ST8SIA6: variants seen among roughly 807,000 people sequenced by gnomAD.
The protein encoded by ST8SIA6 is ST8 alpha-N-acetyl-neuraminide alpha-2,8-sialyltransferase 6.
In ST8SIA6, 39 loss-of-function variants were observed where a neutral mutation model predicts 33.6. The ratio of observed to expected loss-of-function variants is 1.16; its 90% CI spans 0.90 to 1.52. The LOEUF (loss-of-function observed/expected upper bound fraction) is 1.52, where lower values mean the gene tolerates loss of function less well. Among genes scored for constraint, ST8SIA6 ranks in the 40% most tolerant of loss-of-function variants. The pLI, the probability that ST8SIA6 is intolerant of heterozygous loss-of-function variation, is 0.00. For missense variants in ST8SIA6, 441 were observed against 443.8 expected (o/e 0.99, Z 0.06); for synonymous variants, 172 against 167.2 (o/e 1.03, Z -0.22).
intron 2 of ST8SIA6, among the ~76,000 whole-genome samples, chr10:17,436,988 C>T (rs373357405): frequency 2.4e-4 from 36 of 152,258 alleles, no homozygotes; most frequent in Admixed American, 1.6e-3. Flanking sequence ...GTCTCGGGTA[C>T]GTCTTTATCA....
chr10:17,425,987 C>T (rs1255566863), intron 2 of ST8SIA6, among the ~76,000 whole-genome samples: 1 of 152,186 alleles, frequency 6.6e-6, no homozygotes, highest in Admixed American at 6.5e-5. Context: ...TCCTCCTTAT[C>T]ACAGGAACCA....
At chr10:17,425,402 C>G (rs1166018009) in intron 2 of ST8SIA6, among the ~76,000 whole-genome samples, 1 of 151,998 alleles carries the variant, frequency 6.6e-6, no homozygotes, top group African/African-American at 2.4e-5. Context: ...AACCCCGTCT[C>G]TACTTAGAAT....
chr10:17,359,699 T>A (rs1409326350), intron 3 of ST8SIA6, 99 bp from the exon 4 acceptor site: 3 of 612,248 alleles, frequency 4.9e-6, no homozygotes, highest in African/African-American at 1.9e-5. Flanking sequence ...TCTATAAATA[T>A]TTTTTGATAT....
chr10:17,443,321 A>T (rs547885053), intron 2 of ST8SIA6, among the ~76,000 whole-genome samples: 2 of 152,346 alleles, frequency 1.3e-5, no homozygotes, highest in South Asian at 4.1e-4. Context: ...AAAAGAATAT[A>T]TGGAATCCAA....
chr10:17,340,210 C>T (rs1390180591), intron 4 of ST8SIA6, among the ~76,000 whole-genome samples: 3 of 152,208 alleles, frequency 2.0e-5, no homozygotes, highest in Non-Finnish European at 4.4e-5. Flanking sequence ...CCCCTAGTTT[C>T]CGTAAACAAC....
At chr10:17,434,037 C>A (rs571256436) in intron 2 of ST8SIA6, among the ~76,000 whole-genome samples, 1 of 152,144 alleles carries the variant, frequency 6.6e-6, no homozygotes, top group Non-Finnish European at 1.5e-5. Context: ...TCAAAACAGG[C>A]ACTTGTACCT....
rs115170684 is a variant in ST8SIA6 at position 17,328,291 on chromosome 10, C to T, written c.523-1165G>A. Among the ~76,000 whole-genome samples, 1,150 of 152,310 alleles carry T rather than the reference C, an allele frequency of 7.6e-3. 14 individuals are homozygous for T. Among genetic ancestry groups the T allele is most frequent in the African/African-American group, 0.026 (1,080 of 41,570 alleles). ...GCCGTCTCTGCGAATGACCAGCCAG[C>T]GTGCTTCAGGGAGGCCTACCAACTG... On this transcript the variant is annotated intron_variant, in intron 5 of 7. Coordinates refer to ENST00000377602, the MANE Select transcript of ST8SIA6 (RefSeq NM_001004470.3).
chr10:17,332,290 T>C (rs972913485), intron 4 of ST8SIA6, among the ~76,000 whole-genome samples: 1 of 152,158 alleles, frequency 6.6e-6, no homozygotes, highest in Non-Finnish European at 1.5e-5. Flanking sequence ...ATGATTTATA[T>C]TTTTTTGCCT....
In ST8SIA6 at chr10:17,315,714, AT is replaced by A. The variant is rs752616733; in HGVS notation, c.*5163del. 3.4e-4 allele frequency among the ~76,000 whole-genome samples: 52 copies of A among 152,144 alleles called. No individual in the cohort carries two copies. The highest frequency in any genetic ancestry group is 1.7e-3 in the South Asian group (8 of 4,824). On this transcript the variant is annotated 3_prime_UTR_variant, in exon 8 of 8. Transcript: ENST00000377602. Reference sequence around the variant, plus strand: ...AATGTAAATGTCTATAGAAAAACAGATTAGGAATTTTCTGGGGACGAGGGTG... The same window carrying A: ...AATGTAAATGTCTATAGAAAAACAGATAGGAATTTTCTGGGGACGAGGGTG...
Position 17,321,355 on chromosome 10 carries a change from T to A in ST8SIA6, c.729-9A>T. ...CCTTTAAGTTCCCATATCTGCCAAA[T>A]TAAAAAAAAATTATAGTAATCCCAA... On this transcript the variant is annotated splice_polypyrimidine_tract_variant and intron_variant, in intron 7 of 7. Transcript: ENST00000377602. The A allele has an allele frequency of 6.4e-7, 1 of 1,571,684 alleles. No homozygotes were observed. Among genetic ancestry groups the A allele is most frequent in the Admixed American group, 2.1e-5 (1 of 48,126 alleles).
At chr10:17,425,675 AAAAG>A (rs779275188) in intron 2 of ST8SIA6, among the ~76,000 whole-genome samples, 136 of 151,000 alleles carry the variant, frequency 9.0e-4, no homozygotes, top group Middle Eastern at 6.8e-3. Flanking sequence ...GGAAGAAAGA[AAAAG>A]AAGGAAGGAA....
chr10:17,446,901 T>G (rs1852727086), intron 2 of ST8SIA6, among the ~76,000 whole-genome samples: 1 of 148,882 alleles, frequency 6.7e-6, no homozygotes, highest in Non-Finnish European at 1.5e-5. Flanking sequence ...AAAAATTAGC[T>G]GAGCGTGGTG....
At chr10:17,322,877 T>G (rs1471034497) in intron 7 of ST8SIA6, among the ~76,000 whole-genome samples, 188 bp downstream of exon 7, 1 of 152,224 alleles carries the variant, frequency 6.6e-6, no homozygotes, top group Non-Finnish European at 1.5e-5. Flanking sequence ...AACTGAATCA[T>G]AACTCTTAGG....
chr10:17,382,503 T>G (rs1440386722), intron 3 of ST8SIA6, among the ~76,000 whole-genome samples: 2 of 152,178 alleles, frequency 1.3e-5, no homozygotes, highest in African/African-American at 4.8e-5. Flanking sequence ...TGACCTCAGG[T>G]GATCTGCCGG....
At chr10:17,387,923 G>A (rs1850441676) in intron 3 of ST8SIA6, among the ~76,000 whole-genome samples, 1 of 152,222 alleles carries the variant, frequency 6.6e-6, no homozygotes, top group Admixed American at 6.5e-5. Flanking sequence ...TAGGACAGCT[G>A]TGCTGTGTGT....
intron 2 of ST8SIA6, among the ~76,000 whole-genome samples, chr10:17,418,225 AT>A (rs113596114): frequency 0.072 from 10,857 of 150,862 alleles, 433 homozygotes; most frequent in South Asian, 0.11. Flanking sequence ...AACTCAGCTA[AT>A]TTTTTTTTGC....
At chr10:17,443,193 A>G in intron 2 of ST8SIA6, among the ~76,000 whole-genome samples, 1 of 152,222 alleles carries the variant, frequency 6.6e-6, no homozygotes, top group South Asian at 2.1e-4. Flanking sequence ...GAAATAGCAA[A>G]GTACCAACAA....
At chr10:17,449,684 C>T (rs757257945) in intron 2 of ST8SIA6, among the ~76,000 whole-genome samples, 1 of 152,190 alleles carries the variant, frequency 6.6e-6, no homozygotes, top group African/African-American at 2.4e-5. Flanking sequence ...CCTCTAGTCC[C>T]CACAATTTAT....
At chr10:17,435,580 T>C (rs1299662925) in intron 2 of ST8SIA6, among the ~76,000 whole-genome samples, 2 of 152,142 alleles carry the variant, frequency 1.3e-5, no homozygotes, top group Non-Finnish European at 2.9e-5. Context: ...GAATAATTGC[T>C]AAACTTCCTT....
Sources: allele counts gnomAD v4.1 joint callset (sites outside exome capture counted in the v4.1 genomes callset), GRCh38; gene constraint gnomAD v4.1.1; transcripts MANE v1.5; gene names NCBI Gene and HGNC (gene_info 2026-07-23, HGNC 2026-07-21).